The following ANKRD18A variants were observed in gnomAD, a reference collection of about 807,000 sequenced individuals.
The protein encoded by ANKRD18A is ankyrin repeat domain-containing protein 18A.
ANKRD18A carries 72 observed loss-of-function variants against 110.6 expected under a neutral mutation model. That is an observed-to-expected ratio of 0.65 (90% CI 0.54 to 0.79). The LOEUF (loss-of-function observed/expected upper bound fraction) is 0.79, where lower values mean the gene tolerates loss of function less well. ANKRD18A is among the 30% of genes least tolerant of loss of function. The pLI, the probability that ANKRD18A is intolerant of heterozygous loss-of-function variation, is 0.00. For missense variants in ANKRD18A, 934 were observed against 1,163.3 expected, an observed-to-expected ratio of 0.80 and a Z score of 2.87; for synonymous variants, 305 against 410.3, an observed-to-expected ratio of 0.74 and a Z score of 3.10.
rs1456279451 is a variant in ANKRD18A, at chr9:38,576,980, T to C, written c.2741+73A>G. Reference sequence around the variant, plus strand: ...TTCCTACTGATCTCCTGAAGCCATCTCACTAAAAATTATGCTTTTAAGACA... The same window carrying C: ...TTCCTACTGATCTCCTGAAGCCATCCCACTAAAAATTATGCTTTTAAGACA... On this transcript the variant is annotated intron_variant, in intron 14 of 15. Coordinates refer to ENST00000399703, the MANE Select transcript of ANKRD18A (RefSeq NM_147195.4). 4.5e-6 allele frequency: 6 copies of C among 1,331,088 alleles called. No individual in the cohort carries two copies. In the Admixed American group the frequency reaches 1.5e-4, roughly 33 times the overall value. 82.5% of individuals were successfully genotyped at this position (1,331,088 alleles called of 1,614,324 possible).
At position 38,593,906 on chromosome 9, in the gene ANKRD18A, T is replaced by A. The variant is rs1824762167; in HGVS notation, c.1858A>T (p.Ile620Phe). ...AGTTCTTCTTGAAATTCTCTCACAA[T>A]CACCTGACAAAATATTTTTGTTACC... ...CEKEKAEREV[I>F]VREFQEELVD... Residue 620 changes from isoleucine to phenylalanine, a missense_variant, in exon 10 of 16, where the codon ATT becomes TTT. Ile to Phe is a conservative substitution (Grantham distance 21). This residue lies in a region of ANKRD18A where 630 missense variants were observed against 797.5 expected (regional missense o/e 0.79). Transcript: ENST00000399703. The A allele has an allele frequency of 6.8e-7, 1 of 1,469,974 alleles. No homozygotes were observed. The highest frequency in any genetic ancestry group is 9.0e-7 in the Non-Finnish European group (1 of 1,113,010). The allele number at this position is 1,469,974 out of a possible 1,614,324, so 91.1% of individuals were successfully genotyped here.
At chr9:38,608,451 A>G (rs1439503154) in intron 5 of ANKRD18A, among the ~76,000 whole-genome samples, 1 of 151,148 alleles carries the variant, frequency 6.6e-6, no homozygotes, top group African/African-American at 2.4e-5. Flanking sequence ...CCCGTGTGCT[A>G]CTCAGCTCTG....
chr9:38,590,219 T>C (rs1172940095), intron 10 of ANKRD18A, among the ~76,000 whole-genome samples: 1 of 151,930 alleles, frequency 6.6e-6, no homozygotes, highest in Non-Finnish European at 1.5e-5. Flanking sequence ...TTTCTTCTTT[T>C]TTGTACCAGT....
chr9:38,606,131 TC>T (rs1166659758), intron 6 of ANKRD18A, among the ~76,000 whole-genome samples: 1 of 152,214 alleles, frequency 6.6e-6, no homozygotes, highest in Non-Finnish European at 1.5e-5. Context: ...GTAGCTATCT[TC>T]AAAAATAATC....
intron 5 of ANKRD18A, 123 bp from the exon 6 acceptor site, chr9:38,607,616 C>A: frequency 1.6e-6 from 1 of 631,488 alleles, no homozygotes; most frequent in Non-Finnish European, 2.4e-6. Context: ...ATCTAATGTC[C>A]GATACACTTT....
chr9:38,570,894 G>A (rs1823615076), downstream of ANKRD18A, among the ~76,000 whole-genome samples: 1 of 152,240 alleles, frequency 6.6e-6, no homozygotes, highest in Non-Finnish European at 1.5e-5. Flanking sequence ...GCCTGGACAT[G>A]CCATCTTCCC....
chr9:38,596,083 A>G lies in ANKRD18A; in HGVS notation c.1257T>C (p.Val419=), dbSNP rs142963436. The stretch of plus-strand genomic sequence containing the variant: ...TGGCCAGGCTAGAATGGAGGGATTC[A>G]ACTTCAGCTTCTAGTCTTTCTTTGT... ...KHNKERLEAE[V]ESLHSSLATA... The change falls in exon 9 of 16, where the codon GTT becomes GTC. Residue 419 remains valine (V), a synonymous_variant. Coordinates refer to ENST00000399703, the MANE Select transcript of ANKRD18A (RefSeq NM_147195.4). The G allele has an allele frequency of 1.4e-3, 2,198 of 1,551,306 alleles. 21 individuals are homozygous for G. In the African/African-American group the frequency reaches 0.024, roughly 17 times the overall value.
At chr9:38,585,112 C>G (rs1198552730) in intron 12 of ANKRD18A, among the ~76,000 whole-genome samples, 3 of 152,134 alleles carry the variant, frequency 2.0e-5, no homozygotes, top group Non-Finnish European at 4.4e-5. Context: ...CCCAATCTCT[C>G]CCCTTCTAGG....
intron 3 of ANKRD18A, among the ~76,000 whole-genome samples, chr9:38,614,296 G>A (rs1443061169): frequency 6.8e-6 from 1 of 147,050 alleles, no homozygotes; most frequent in Admixed American, 7.0e-5. Flanking sequence ...TAGTAGAGAC[G>A]GGGTTTCACC....
At chr9:38,594,196 G>A (rs868163950) in intron 9 of ANKRD18A, among the ~76,000 whole-genome samples, 11 of 152,188 alleles carry the variant, frequency 7.2e-5, no homozygotes, top group South Asian at 4.1e-4. Context: ...TCAGTCGCCT[G>A]TTGAAATCCT....
rs971367413 is a variant in ANKRD18A at position 38,620,175 on chromosome 9, C to A, written c.111G>T (p.Lys37Asn). 57 of 1,565,382 alleles carry A rather than the reference C, an allele frequency of 3.6e-5. No homozygotes were observed. Among genetic ancestry groups the A allele is most frequent in the Non-Finnish European group, 4.8e-5 (55 of 1,154,972 alleles). The change falls in exon 1 of 16, where the codon AAG becomes AAT. Residue 37 changes from lysine (K) to asparagine (N), a missense_variant. This residue lies in a region of ANKRD18A where 630 missense variants were observed against 797.5 expected (regional missense o/e 0.79). Transcript: ENST00000399703. Reference sequence around the variant, plus strand: ...CGCCCTTGATGGCAGCCCTGTGGATCTTCCGCAGTTCCCAGTCCCGAATGT... The same window carrying A: ...CGCCCTTGATGGCAGCCCTGTGGATATTCCGCAGTTCCCAGTCCCGAATGT... ...GYDIRDWELR[K>N]IHRAAIKGDA...
chr9:38,583,590 A>G (rs540527754), intron 12 of ANKRD18A, among the ~76,000 whole-genome samples: 32 of 152,188 alleles, frequency 2.1e-4, no homozygotes, highest in African/African-American at 7.7e-4. Context: ...GGGTTTCACC[A>G]TGTTGGCCAG....
Position 38,575,486 on chromosome 9 carries a change from A to G in ANKRD18A, c.2954T>C (p.Phe985Ser), listed in dbSNP as rs914765043. 3.5e-5 allele frequency: 54 copies of G among 1,550,826 alleles called. No homozygotes were observed. The highest frequency in any genetic ancestry group is 4.8e-5 in the South Asian group (4 of 83,850). Residue 985 changes from phenylalanine (F) to serine (S), a missense_variant, in exon 15 of 16, where the codon TTC (phenylalanine) becomes TCC (serine). By Grantham distance (155) the Phe-to-Ser change is radical. Transcript: ENST00000399703. ...NPQTSNNCKN[F>S]LTEVLLC ...GGTCATATAACTAACCTCAGTCAAG[A>G]AGTTCTTGCAGTTATTTGAAGTCTG...
intron 3 of ANKRD18A, among the ~76,000 whole-genome samples, chr9:38,612,804 A>AT (rs1163797486): frequency 6.6e-6 from 1 of 152,078 alleles, no homozygotes; most frequent in East Asian, 1.9e-4. Context: ...GGTGTGAGCC[A>AT]TTGCACCCGG....
chr9:38,620,397 C>CA lies in ANKRD18A; in HGVS notation c.-113_-112insT. 1 of 1,287,970 alleles carries CA rather than the reference C, an allele frequency of 7.8e-7. No homozygotes were observed. The highest frequency in any genetic ancestry group is 1.6e-5 in the African/African-American group (1 of 61,046). The allele number at this position is 1,287,970 out of a possible 1,614,324, so 79.8% of individuals were successfully genotyped here. On this transcript the variant is annotated 5_prime_UTR_variant, in exon 1 of 16. Coordinates refer to ENST00000399703, the MANE Select transcript of ANKRD18A (RefSeq NM_147195.4). The stretch of plus-strand genomic sequence containing the variant: ...GCGATCTCCCCCGCAACCCGCGATC[C>CA]CCCCCGCAACCCGCGATCCACCCCC...
Position 38,611,336 on chromosome 9 carries a change from A to G in ANKRD18A, c.496-15T>C. 1 of 1,510,242 alleles carries G rather than the reference A, an allele frequency of 6.6e-7. No individual in the cohort carries two copies. The highest frequency in any genetic ancestry group is 8.8e-7 in the Non-Finnish European group (1 of 1,133,268). The allele number at this position is 1,510,242 out of a possible 1,614,324, so 93.6% of individuals were successfully genotyped here. A position where few individuals can be genotyped will look rare whatever the true frequency, so the allele number is the denominator to read the frequency against. Reference sequence around the variant, plus strand: ...GTGTTTCCCTCCTGTAAGAAAGCAAAAACAATTTATAATTCACAAAATTAC... The same window carrying G: ...GTGTTTCCCTCCTGTAAGAAAGCAAGAACAATTTATAATTCACAAAATTAC... On this transcript the variant is annotated splice_polypyrimidine_tract_variant and intron_variant, in intron 3 of 15. Coordinates refer to ENST00000399703, the MANE Select transcript of ANKRD18A (RefSeq NM_147195.4).
intron 10 of ANKRD18A, among the ~76,000 whole-genome samples, chr9:38,590,539 A>C (rs1467424969): frequency 6.6e-6 from 1 of 152,230 alleles, no homozygotes; most frequent in Non-Finnish European, 1.5e-5. Flanking sequence ...GATGTGAGCC[A>C]CGGCACCCAG....
chr9:38,611,104 C>T, intron 4 of ANKRD18A, 111 bp downstream of exon 4: 3 of 1,425,476 alleles, frequency 2.1e-6, no homozygotes, highest in African/African-American at 1.5e-5. Flanking sequence ...TACTATATGC[C>T]AATAATTATA....
At chr9:38,589,126 G>A (rs1464246766) in intron 10 of ANKRD18A, among the ~76,000 whole-genome samples, 1 of 152,282 alleles carries the variant, frequency 6.6e-6, no homozygotes, top group African/African-American at 2.4e-5. Context: ...GCTAAATACT[G>A]TCATTCTCTG....
Sources: allele counts gnomAD v4.1 joint callset (sites outside exome capture counted in the v4.1 genomes callset), GRCh38; gene constraint gnomAD v4.1.1; regional missense constraint gnomAD v4.1.1; transcripts MANE v1.5; gene names NCBI Gene and HGNC (gene_info 2026-07-23, HGNC 2026-07-21).